Variants in SH3TC2 observed in about 807,000 individuals in gnomAD.
SH3TC2 encodes SH3 domain and tetratricopeptide repeats 2, also known as SH3 domain and tetratricopeptide repeat-containing protein 2.
SH3TC2 carries 87 observed loss-of-function variants against 124.5 expected under a neutral mutation model. The observed-to-expected ratio is 0.70, with a 90% CI of 0.59 to 0.84. SH3TC2 has a LOEUF of 0.84. Among genes scored for constraint, SH3TC2 ranks in the 40% least tolerant of loss-of-function variants. SH3TC2 has a pLI of 0.00. For synonymous variants in SH3TC2, 634 were observed against 628.5 expected (o/e 1.01, Z -0.13); for missense variants, 1,536 against 1,566.4 (o/e 0.98, Z 0.33).
chr5:148,986,654 A>G lies in SH3TC2; in HGVS notation c.*18057T>C, dbSNP rs778554838. Among the ~76,000 whole-genome samples, 45 of 152,218 alleles carry G rather than the reference A, an allele frequency of 3.0e-4. No individual in the cohort carries two copies. The highest frequency in any genetic ancestry group is 1.0e-3 in the African/African-American group (43 of 41,468). ...ATTCATACACAACAGGTTTGAGTACATGACAGATACCTTTTTTGACAAATT... is the reference window on the plus strand; with the variant it reads ...ATTCATACACAACAGGTTTGAGTACGTGACAGATACCTTTTTTGACAAATT... On this transcript the variant is annotated 3_prime_UTR_variant, in exon 17 of 17. Coordinates refer to ENST00000515425, the MANE Select transcript of SH3TC2 (RefSeq NM_024577.4).
intron 9 of SH3TC2, 101 bp from the exon 10 acceptor site, chr5:149,028,819 G>A: frequency 5.0e-6 from 6 of 1,189,118 alleles, no homozygotes; most frequent in South Asian, 3.7e-5. Flanking sequence ...AGGAGCCTTG[G>A]CATTCAAGAC....
intron 8 of SH3TC2, among the ~76,000 whole-genome samples, chr5:149,037,389 T>C (rs17795259): frequency 0.14 from 20,051 of 144,544 alleles, 1,605 homozygotes; most frequent in South Asian, 0.29. Flanking sequence ...ACTCCCACAT[T>C]TCTACATAGA....
chr5:149,045,447 T>C (rs1375312682), intron 3 of SH3TC2: 1 of 152,272 alleles, frequency 6.6e-6, no homozygotes, highest in Non-Finnish European at 1.5e-5. Context: ...AACATCTTTA[T>C]AGCTAAATCT....
intron 6 of SH3TC2, 136 bp from the exon 7 acceptor site, chr5:149,040,813 G>A: frequency 1.2e-6 from 1 of 802,048 alleles, no homozygotes; most frequent in Non-Finnish European, 2.1e-6. Context: ...AAAGTTTATT[G>A]AGAACTTACT....
chr5:149,027,815 G>A lies in SH3TC2; in HGVS notation c.1917C>T (p.Ala639=), dbSNP rs755345231. The A allele has an allele frequency of 2.5e-6, 4 of 1,613,802 alleles. No individual in the cohort carries two copies. The South Asian group carries it at 4.4e-5, about 18-fold the overall frequency. The change falls in exon 11 of 17, where the codon GCC becomes GCT. Residue 639 remains alanine (A), a synonymous_variant. Transcript: ENST00000515425. ...SPLEARACFL[A]IRLLLSLGRH... ...GGCCTAGGCTCAGGAGCAAGCGGAT[G>A]GCCAGAAAGCAGGCCCTGGCCTCCA...
chr5:149,038,635 A>C, intron 7 of SH3TC2, 145 bp from the exon 8 acceptor site: 1 of 839,680 alleles, frequency 1.2e-6, no homozygotes, highest in Non-Finnish European at 2.0e-6. Context: ...CCACCCAAAA[A>C]TTGGCAGGAA....
intron 1 of SH3TC2, 117 bp from the exon 2 acceptor site, chr5:149,052,357 A>C: frequency 1.3e-6 from 1 of 753,220 alleles, no homozygotes; most frequent in South Asian, 1.4e-5. Flanking sequence ...GTGGCATGGA[A>C]GAATTCTAAT....
In SH3TC2 at chr5:149,000,200, AC is replaced by A. The variant is rs1753575570; in HGVS notation, c.*4510del. ...ATATATCATTTGCCCCTTTCCTGTC[AC>A]CCAGCTGAATCCCCACTTCCCTGAA... On this transcript the variant is annotated 3_prime_UTR_variant, in exon 17 of 17. Transcript: ENST00000515425. Among the ~76,000 whole-genome samples the A allele has an allele frequency of 6.6e-6, 1 of 152,058 alleles. No individual in the cohort carries two copies. Among genetic ancestry groups the A allele is most frequent in the Admixed American group, 6.5e-5 (1 of 15,272 alleles).
In SH3TC2 at chr5:148,997,447, T is replaced by C. The variant is rs943007425; in HGVS notation, c.*7264A>G. Among the ~76,000 whole-genome samples the C allele has an allele frequency of 1.3e-5, 2 of 152,248 alleles. No individual in the cohort carries two copies. Among genetic ancestry groups the C allele is most frequent in the Admixed American group, 6.5e-5 (1 of 15,282 alleles). On this transcript the variant is annotated 3_prime_UTR_variant, in exon 17 of 17. Transcript: ENST00000515425. Reference sequence around the variant, plus strand: ...GTCTCTCTTTTTTTCTAGGCTAAGTTACCTGACTGTGGTCAACAATAACAC... The same window carrying C: ...GTCTCTCTTTTTTTCTAGGCTAAGTCACCTGACTGTGGTCAACAATAACAC...
At chr5:149,059,584 T>C (rs1170664841) in intron 1 of SH3TC2, among the ~76,000 whole-genome samples, 1 of 150,906 alleles carries the variant, frequency 6.6e-6, no homozygotes, top group Non-Finnish European at 1.5e-5. Context: ...TTGGGACGAA[T>C]AGCATGTTAG....
rs1394579492 is a variant in SH3TC2 at position 149,041,499 on chromosome 5, C to T, written c.648G>A (p.Glu216=). 6.2e-7 allele frequency: 1 copy of T among 1,614,204 alleles called. No individual in the cohort carries two copies. The highest frequency in any genetic ancestry group is 1.1e-5 in the South Asian group (1 of 91,088). ...CTGTCACCAAAGACACGCCTTCCAA[C>T]TCGGAGCCAGCTTCTGCCATCTTCA... ...ISVKMAEAGS[E]LEGVSLVTGQ... Residue 216 remains glutamate, a synonymous_variant, in exon 6 of 17, where the codon GAG becomes GAA. Coordinates refer to ENST00000515425, the MANE Select transcript of SH3TC2 (RefSeq NM_024577.4).
chr5:149,054,274 A>AT (rs34732014), intron 1 of SH3TC2, among the ~76,000 whole-genome samples: 1 of 152,094 alleles, frequency 6.6e-6, no homozygotes, highest in Non-Finnish European at 1.5e-5. Flanking sequence ...ACAGCCATAG[A>AT]TTTTTTTTAA....
In SH3TC2 at chr5:149,060,812, C is replaced by T. The variant is rs372361111; in HGVS notation, c.52+2159G>A. ...GAGGAATTATTAAATTTAATCCTCA[C>T]AAAAGTTCCATGGGATAAGTACCAC... is the stretch of plus-strand genomic sequence containing the variant. On this transcript the variant is annotated intron_variant, in intron 1 of 16. Coordinates refer to ENST00000515425, the MANE Select transcript of SH3TC2 (RefSeq NM_024577.4). Among the ~76,000 whole-genome samples, 14 of 152,296 alleles carry T rather than the reference C, an allele frequency of 9.2e-5. No individual in the cohort carries two copies. The East Asian group carries it at 1.2e-3, about 13-fold the overall frequency.
At chr5:149,036,589 G>A (rs556904340) in intron 8 of SH3TC2, among the ~76,000 whole-genome samples, 2 of 152,278 alleles carry the variant, frequency 1.3e-5, no homozygotes, top group East Asian at 1.9e-4. Context: ...TTTAATGAGA[G>A]CTCACTGGAT....
chr5:149,058,056 C>A (rs1754681789), intron 1 of SH3TC2, among the ~76,000 whole-genome samples: 1 of 152,124 alleles, frequency 6.6e-6, no homozygotes, highest in Non-Finnish European at 1.5e-5. Context: ...TTGAGTCCAA[C>A]CCATAAAAAC....
At chr5:149,046,601 A>G (rs975349075) in intron 3 of SH3TC2, 1 of 152,204 alleles carries the variant, frequency 6.6e-6, no homozygotes, top group Non-Finnish European at 1.5e-5. Context: ...TAAATTGTCC[A>G]AGGTCACCTT....
intron 6 of SH3TC2, among the ~76,000 whole-genome samples, chr5:149,040,966 A>T (rs546483062): frequency 6.6e-6 from 1 of 152,206 alleles, no homozygotes; most frequent in South Asian, 2.1e-4. Context: ...ACACAGGTCC[A>T]TGGTGTGGGG....
chr5:149,055,622 A>AC (rs1754632903), intron 1 of SH3TC2, among the ~76,000 whole-genome samples: 1 of 152,210 alleles, frequency 6.6e-6, no homozygotes. Context: ...TGGAAAGCTG[A>AC]CAGTGTCAAT....
chr5:149,007,296 A>G, intron 15 of SH3TC2: 1 of 633,256 alleles, frequency 1.6e-6, no homozygotes, highest in South Asian at 1.9e-5. Flanking sequence ...AACATTACAC[A>G]TGTCATAAAT....
Sources: allele counts gnomAD v4.1 joint callset (sites outside exome capture counted in the v4.1 genomes callset), GRCh38; gene constraint gnomAD v4.1.1; transcripts MANE v1.5; gene names NCBI Gene and HGNC (gene_info 2026-07-23, HGNC 2026-07-21).